The following BMPR1B variants were observed in gnomAD, a reference collection of about 807,000 sequenced individuals.
BMPR1B encodes the protein bone morphogenetic protein receptor type-1B.
Under a neutral mutation model 59.1 loss-of-function variants are expected in BMPR1B, and 12 were observed. The observed-to-expected ratio is 0.20, with a 90% CI of 0.13 to 0.33. The LOEUF is 0.33. Among genes scored for constraint, BMPR1B ranks in the 10% least tolerant of loss-of-function variants. The probability of loss-of-function intolerance (pLI) is 1.00; values close to 1 mark genes in which losing one functional copy is unlikely to be tolerated. For synonymous variants in BMPR1B, 237 were observed against 207.3 expected, an observed-to-expected ratio of 1.14 and a Z score of -1.23; for missense variants, 550 against 610.9, an observed-to-expected ratio of 0.90 and a Z score of 1.05.
rs77746290 is a variant in BMPR1B, at chr4:94,942,561, C to T, written c.-112-53479C>T. On this transcript the variant is annotated intron_variant, in intron 2 of 12. Transcript: ENST00000515059. The stretch of plus-strand genomic sequence containing the variant: ...GCAAATTAAATAAGAGTTTCCCATG[C>T]TGATAAGGAGGGTTTGCCTTGAGTT... Among the ~76,000 whole-genome samples, 952 of 152,246 alleles carry T rather than the reference C, an allele frequency of 6.3e-3. 13 individuals carry two copies. Among genetic ancestry groups the T allele is most frequent in the African/African-American group, 0.022 (902 of 41,536 alleles).
intron 3 of BMPR1B, among the ~76,000 whole-genome samples, chr4:95,002,417 T>C (rs1332390661): frequency 6.6e-6 from 1 of 152,234 alleles, no homozygotes; most frequent in Non-Finnish European, 1.5e-5. Context: ...TCTTTGCTAT[T>C]GTGAATAGTG....
intron 8 of BMPR1B, among the ~76,000 whole-genome samples, chr4:95,128,908 C>T (rs972161712): frequency 1.3e-5 from 2 of 152,062 alleles, no homozygotes; most frequent in African/African-American, 4.8e-5. Flanking sequence ...TTTCTTTGTT[C>T]TAAAGAATTC....
intron 1 of BMPR1B, among the ~76,000 whole-genome samples, chr4:94,827,119 C>T (rs1359450174): frequency 6.6e-6 from 1 of 151,970 alleles, no homozygotes; most frequent in African/African-American, 2.4e-5. Context: ...ATAAGCGTTC[C>T]CTTTTCCTCA....
At chr4:94,926,695 T>C (rs558587321) in intron 2 of BMPR1B, among the ~76,000 whole-genome samples, 7 of 152,198 alleles carry the variant, frequency 4.6e-5, no homozygotes, top group Middle Eastern at 3.4e-3. Flanking sequence ...TACAGTGTTA[T>C]AATGATTTAT....
chr4:94,980,623 G>A (rs1731199834), intron 2 of BMPR1B, among the ~76,000 whole-genome samples: 1 of 152,122 alleles, frequency 6.6e-6, no homozygotes, highest in Non-Finnish European at 1.5e-5. Flanking sequence ...GTGTGTGCGT[G>A]CATTCTGTGA....
chr4:95,077,349 A>G (rs992127371), intron 3 of BMPR1B, among the ~76,000 whole-genome samples: 3 of 152,154 alleles, frequency 2.0e-5, no homozygotes, highest in African/African-American at 7.2e-5. Flanking sequence ...TCATTTAGAC[A>G]AACGGGAATA....
At position 95,061,212 on chromosome 4, in the gene BMPR1B, A is replaced by C. The variant is rs4699407; in HGVS notation, c.-17-43196A>C. On this transcript the variant is annotated intron_variant, in intron 3 of 12. Coordinates refer to ENST00000515059, the MANE Select transcript of BMPR1B (RefSeq NM_001203.3). ...ACACACACACACACACACACACACC[A>C]CACACCCCTCCATTGAATATACATA... 9.6e-3 allele frequency among the ~76,000 whole-genome samples: 1,266 copies of C among 131,628 alleles called. 6 individuals carry two copies. Among genetic ancestry groups the C allele is most frequent in the Middle Eastern group, 0.024 (6 of 252 alleles). 86.4% of individuals were successfully genotyped at this position (131,628 alleles called of 152,430 possible). A position where few individuals can be genotyped will look rare whatever the true frequency, so the allele number is the denominator to read the frequency against.
At chr4:95,013,187 G>A (rs527898164) in intron 3 of BMPR1B, among the ~76,000 whole-genome samples, 57 of 151,790 alleles carry the variant, frequency 3.8e-4, no homozygotes, top group African/African-American at 1.3e-3. Flanking sequence ...ACTTTCAAAA[G>A]TCCCACCAAC....
chr4:95,079,205 T>C (rs1461300031), intron 3 of BMPR1B, among the ~76,000 whole-genome samples: 1 of 152,184 alleles, frequency 6.6e-6, no homozygotes, highest in Non-Finnish European at 1.5e-5. Context: ...ATACACACAA[T>C]TGAGATAGGA....
chr4:94,997,818 A>G (rs975472660), intron 3 of BMPR1B, among the ~76,000 whole-genome samples: 1 of 152,124 alleles, frequency 6.6e-6, no homozygotes, highest in Non-Finnish European at 1.5e-5. Context: ...CATGATCAAG[A>G]TTGTAATTTC....
At chr4:94,809,824 C>G (rs1723745422) in intron 1 of BMPR1B, among the ~76,000 whole-genome samples, 1 of 152,212 alleles carries the variant, frequency 6.6e-6, no homozygotes, top group South Asian at 2.1e-4. Context: ...CTGGCCTCTG[C>G]CAGTATCCCA....
At chr4:94,984,936 T>C (rs943739939) in intron 2 of BMPR1B, among the ~76,000 whole-genome samples, 1 of 152,184 alleles carries the variant, frequency 6.6e-6, no homozygotes, top group Non-Finnish European at 1.5e-5. Context: ...TTCTCACATA[T>C]TTGGATATAG....
chr4:95,040,878 G>C (rs181741893), intron 3 of BMPR1B, among the ~76,000 whole-genome samples: 17 of 152,092 alleles, frequency 1.1e-4, no homozygotes, highest in Non-Finnish European at 2.1e-4. Context: ...ACTACATTAC[G>C]TGGCTCTGGT....
intron 1 of BMPR1B, among the ~76,000 whole-genome samples, chr4:94,789,630 C>T (rs1166404988): frequency 6.6e-6 from 1 of 151,980 alleles, no homozygotes; most frequent in East Asian, 1.9e-4. Flanking sequence ...AAGTCATTAG[C>T]AAAAAACCAT....
intron 11 of BMPR1B, among the ~76,000 whole-genome samples, chr4:95,150,517 G>A (rs1327796347): frequency 1.3e-5 from 2 of 151,266 alleles, no homozygotes; most frequent in African/African-American, 4.9e-5. Context: ...ACTTAATTAA[G>A]ATAGCTTTAT....
intron 3 of BMPR1B, among the ~76,000 whole-genome samples, chr4:95,026,682 TTCCCCTCCCCTCCCC>T (rs58113438): frequency 1.4e-5 from 2 of 141,138 alleles, no homozygotes; most frequent in Non-Finnish European, 3.0e-5. Context: ...AGGAAGATTT[TTCCCCTCCCCTCCCC>T]TCCCCTCCCC....
At chr4:94,818,807 A>G (rs1201141335) in intron 1 of BMPR1B, among the ~76,000 whole-genome samples, 2 of 152,080 alleles carry the variant, frequency 1.3e-5, no homozygotes, top group Non-Finnish European at 2.9e-5. Context: ...GAATTAGTGG[A>G]TGTATAGAAA....
At chr4:95,142,813 CTT>C (rs11385949) in intron 10 of BMPR1B, among the ~76,000 whole-genome samples, 30 of 140,656 alleles carry the variant, frequency 2.1e-4, no homozygotes, top group African/African-American at 3.2e-4. Flanking sequence ...AGTTGGGGCT[CTT>C]TTTTTTTTTT....
chr4:95,079,248 T>G (rs1209514062), intron 3 of BMPR1B, among the ~76,000 whole-genome samples: 1 of 152,152 alleles, frequency 6.6e-6, no homozygotes, highest in Non-Finnish European at 1.5e-5. Flanking sequence ...GTAACGGTGT[T>G]TGTTCCTTTT....
Sources: allele counts gnomAD v4.1 joint callset (sites outside exome capture counted in the v4.1 genomes callset), GRCh38; gene constraint gnomAD v4.1.1; transcripts MANE v1.5; gene names NCBI Gene and HGNC (gene_info 2026-07-23, HGNC 2026-07-21).